Variants in GAS2 observed in about 807,000 individuals in gnomAD.
The protein encoded by GAS2 is growth arrest specific 2.
In GAS2, 20 loss-of-function variants were observed where a neutral mutation model predicts 37.5. The ratio of observed to expected loss-of-function variants is 0.53; its 90% CI spans 0.37 to 0.77. The LOEUF (loss-of-function observed/expected upper bound fraction) is 0.77. GAS2 is among the 30% of genes least tolerant of loss of function. GAS2 has a pLI of 0.00. For synonymous variants in GAS2, 144 were observed against 132.2 expected, an observed-to-expected ratio of 1.09 and a Z score of -0.61; for missense variants, 336 against 373.4, an observed-to-expected ratio of 0.90 and a Z score of 0.82.
upstream of GAS2, among the ~76,000 whole-genome samples, chr11:22,663,050 T>C (rs1590585609): frequency 1.3e-5 from 2 of 151,988 alleles, no homozygotes; most frequent in Admixed American, 1.3e-4. Flanking sequence ...CTTACAATCA[T>C]GGGGAAAGGC....
At chr11:22,651,390 A>G (rs2133832051) in intron 1 of GAS2, among the ~76,000 whole-genome samples, 1 of 152,244 alleles carries the variant, frequency 6.6e-6, no homozygotes, top group East Asian at 1.9e-4. Flanking sequence ...TCTGACAATT[A>G]TGTGTCTTGG....
chr11:22,675,353 G>A (rs187971156), intron 2 of GAS2, among the ~76,000 whole-genome samples: 178 of 152,222 alleles, frequency 1.2e-3, no homozygotes, highest in Admixed American at 1.6e-3. Flanking sequence ...TTGTACACAG[G>A]CCACAGTGTC....
intron 7 of GAS2, among the ~76,000 whole-genome samples, chr11:22,758,742 C>T (rs993250428): frequency 2.0e-5 from 3 of 151,752 alleles, no homozygotes; most frequent in African/African-American, 7.3e-5. Flanking sequence ...GGAGAAACCC[C>T]ACCTCTATTA....
chr11:22,647,492 C>T (rs1043074379), intron 1 of GAS2, among the ~76,000 whole-genome samples: 1 of 151,936 alleles, frequency 6.6e-6, no homozygotes, highest in Admixed American at 6.6e-5. Flanking sequence ...CCTGAGGAAT[C>T]GCCACACTGA....
At chr11:22,784,764 G>A (rs968967348) in intron 7 of GAS2, among the ~76,000 whole-genome samples, 3 of 152,100 alleles carry the variant, frequency 2.0e-5, no homozygotes, top group African/African-American at 7.2e-5. Context: ...AATCCTCTGT[G>A]TATCTTCCCT....
At chr11:22,753,169 G>T (rs991905624) in intron 6 of GAS2, among the ~76,000 whole-genome samples, 1 of 152,144 alleles carries the variant, frequency 6.6e-6, no homozygotes, top group Middle Eastern at 3.4e-3. Context: ...AAAACTGGCT[G>T]GGTTCCTAGC....
intron 1 of GAS2, chr11:22,626,189 A>G: frequency 3.2e-6 from 1 of 311,506 alleles, no homozygotes; most frequent in South Asian, 3.0e-5. Context: ...GTTTTTCAAA[A>G]TTAAGTAACG....
At position 22,812,630 on chromosome 11, in the gene GAS2, G is replaced by T. The variant is rs1857239884; in HGVS notation, c.*614G>T. On this transcript the variant is annotated 3_prime_UTR_variant, in exon 8 of 8. Transcript: ENST00000454584. The stretch of plus-strand genomic sequence containing the variant: ...TGACCAAATATCTGGGGTACTTTTA[G>T]AAGTTTTCAGTACACCCCCTTAGAG... 6.5e-6 allele frequency: 1 copy of T among 152,770 alleles called. No individual in the cohort carries two copies. Among genetic ancestry groups the T allele is most frequent in the African/African-American group, 2.4e-5 (1 of 41,404 alleles). The allele number at this position is 152,770 out of a possible 1,614,324, so 9.5% of individuals were successfully genotyped here.
chr11:22,799,235 G>A (rs1193946216), intron 7 of GAS2, among the ~76,000 whole-genome samples: 2 of 152,046 alleles, frequency 1.3e-5, no homozygotes, highest in Non-Finnish European at 2.9e-5. Flanking sequence ...GGTCCATTAA[G>A]TGGGGAATCA....
chr11:22,637,142 CAATATATTACTTATGTTAATATTATATT>C lies in GAS2; in HGVS notation c.-21+11379_-21+11406del, dbSNP rs760738806. Among the ~76,000 whole-genome samples the C allele has an allele frequency of 3.1e-4, 31 of 101,166 alleles. 2 individuals carry two copies. Among genetic ancestry groups the C allele is most frequent in the South Asian group, 5.4e-4 (2 of 3,722 alleles). The allele number at this position is 101,166 out of a possible 152,430, so 66.4% of individuals were successfully genotyped here. The stretch of plus-strand genomic sequence containing the variant: ...AATATTACTTATATTAATATTATAT[CAATATATTACTTATGTTAATATTATATT>C]AATATATTACTTATGTTAATATTAT... On this transcript the variant is annotated intron_variant, in intron 1 of 5. Coordinates refer to the GAS2 transcript ENST00000528582.
At chr11:22,778,337 G>A (rs928758575) in intron 7 of GAS2, among the ~76,000 whole-genome samples, 4 of 152,212 alleles carry the variant, frequency 2.6e-5, no homozygotes, top group Admixed American at 1.3e-4. Flanking sequence ...TGGTGAATGA[G>A]ACAAGGTCCC....
intron 1 of GAS2, among the ~76,000 whole-genome samples, chr11:22,660,691 T>C (rs1338243051): frequency 6.6e-6 from 1 of 152,220 alleles, no homozygotes; most frequent in Non-Finnish European, 1.5e-5. Flanking sequence ...TTACTATGCC[T>C]ATTCCTTGAC....
intron 2 of GAS2, among the ~76,000 whole-genome samples, chr11:22,676,857 T>C (rs556627534): frequency 1.1e-3 from 166 of 152,330 alleles, no homozygotes; most frequent in Middle Eastern, 3.4e-3. Context: ...GCAAGTGTCT[T>C]ATTGCACTGT....
chr11:22,709,210 A>T (rs898024059), intron 3 of GAS2, among the ~76,000 whole-genome samples: 11 of 77,926 alleles, frequency 1.4e-4, no homozygotes, highest in African/African-American at 3.2e-4. Context: ...CATGGTAATG[A>T]AAAAAAAAAA....
At chr11:22,739,504 C>T (rs1294756646) in intron 5 of GAS2, among the ~76,000 whole-genome samples, 2 of 130,512 alleles carry the variant, frequency 1.5e-5, no homozygotes, top group African/African-American at 5.7e-5. Context: ...ACCTGGGAGG[C>T]GGAGCTTGCA....
intron 1 of GAS2, chr11:22,667,331 G>A (rs1252379486): frequency 4.6e-5 from 7 of 152,186 alleles, no homozygotes; most frequent in African/African-American, 1.4e-4. Context: ...TGTTATGGTG[G>A]GGTGGGATAG....
chr11:22,690,122 T>G (rs1008898790), intron 3 of GAS2, among the ~76,000 whole-genome samples: 1 of 152,306 alleles, frequency 6.6e-6, no homozygotes, highest in African/African-American at 2.4e-5. Flanking sequence ...AATTTGGAGA[T>G]TTTACAGCTG....
intron 1 of GAS2, among the ~76,000 whole-genome samples, chr11:22,641,520 T>G (rs903312781): frequency 6.0e-5 from 9 of 150,132 alleles, no homozygotes; most frequent in Non-Finnish European, 1.0e-4. Flanking sequence ...GACAGGCCCT[T>G]CTAGAAGTCC....
chr11:22,754,368 G>A (rs2134320931), intron 6 of GAS2, among the ~76,000 whole-genome samples: 1 of 152,034 alleles, frequency 6.6e-6, no homozygotes, highest in Middle Eastern at 3.4e-3. Context: ...AAGACATTAA[G>A]GTTAACCACT....
Sources: gnomAD v4.1 joint callset for allele counts (sites outside exome capture counted in the v4.1 genomes callset) on GRCh38, gnomAD v4.1.1 for gene constraint, MANE v1.5 for transcripts, NCBI Gene and HGNC (gene_info 2026-07-23, HGNC 2026-07-21) for gene names.